CADPS: variants seen among roughly 807,000 people sequenced by gnomAD.
The protein encoded by CADPS is calcium dependent secretion activator, also known as calcium-dependent secretion activator 1.
CADPS carries 57 observed loss-of-function variants against 167.3 expected under a neutral mutation model. The ratio of observed to expected loss-of-function variants is 0.34; its 90% CI spans 0.28 to 0.42. The LOEUF (loss-of-function observed/expected upper bound fraction) is 0.42, where lower values mean the gene tolerates loss of function less well. Ranked by LOEUF, CADPS falls within the 20% of genes least tolerant of loss-of-function variation. The pLI is 1.00. For missense variants in CADPS, 1,414 were observed against 1,738.1 expected (o/e 0.81, Z 3.32); for synonymous variants, 676 against 635.3 (o/e 1.06, Z -0.96).
chr3:62,410,496 G>A (rs1341851865), intron 28 of CADPS, among the ~76,000 whole-genome samples: 1 of 152,196 alleles, frequency 6.6e-6, no homozygotes, highest in Non-Finnish European at 1.5e-5. Flanking sequence ...AGCAAGAGAT[G>A]GAACATCGAC....
intron 28 of CADPS, among the ~76,000 whole-genome samples, chr3:62,405,192 AC>A (rs1465005401): frequency 6.8e-5 from 10 of 146,852 alleles, no homozygotes; most frequent in African/African-American, 2.6e-4. Flanking sequence ...ACCTCCCCTT[AC>A]CCCCAGCCTC....
intron 28 of CADPS, among the ~76,000 whole-genome samples, chr3:62,434,804 TA>T (rs1392558022): frequency 2.0e-5 from 3 of 152,032 alleles, no homozygotes; most frequent in Admixed American, 6.6e-5. Context: ...AAACACACAC[TA>T]AAACCATCCA....
At position 62,446,596 on chromosome 3, in the gene CADPS, C is replaced by T. The variant is rs1452134275; in HGVS notation, c.3637-799G>A. The stretch of plus-strand genomic sequence containing the variant: ...TATTATTAGTAATAGTGCTTATTTC[C>T]GCAGGTTGATAAGGGTGAATTCACA... On this transcript the variant is annotated intron_variant, in intron 26 of 29. Transcript: ENST00000383710. The surrounding 1 kb of genome is among the most constrained non-coding windows in gnomAD (Gnocchi z 4.9). Among the ~76,000 whole-genome samples, 2 of 152,032 alleles carry T rather than the reference C, an allele frequency of 1.3e-5. No homozygotes were observed. The highest frequency in any genetic ancestry group is 4.8e-5 in the African/African-American group (2 of 41,374).
chr3:62,543,574 G>A (rs1042721333), intron 11 of CADPS, among the ~76,000 whole-genome samples: 2 of 151,988 alleles, frequency 1.3e-5, no homozygotes, highest in African/African-American at 4.8e-5. Flanking sequence ...GCTTGAAGTG[G>A]TGAAAAACGT....
intron 6 of CADPS, among the ~76,000 whole-genome samples, chr3:62,628,188 A>G (rs954550347): frequency 6.6e-6 from 1 of 152,188 alleles, no homozygotes; most frequent in Non-Finnish European, 1.5e-5. Context: ...GGAGTAAGGC[A>G]TTATACCAGT....
intron 1 of CADPS, among the ~76,000 whole-genome samples, chr3:62,778,604 G>C (rs1050516713): frequency 6.6e-6 from 1 of 152,002 alleles, no homozygotes; most frequent in African/African-American, 2.4e-5. Flanking sequence ...TGTCTGTCTT[G>C]CATCAGCATT....
chr3:62,588,919 C>A (rs182957876), intron 7 of CADPS, among the ~76,000 whole-genome samples: 2 of 152,076 alleles, frequency 1.3e-5, no homozygotes, highest in Non-Finnish European at 2.9e-5. Context: ...TGCTTATATA[C>A]GCTATGTTGG....
chr3:62,731,807 A>AAAAAAAAAAAAAAAAAAAAAAAAG (rs2077903630), intron 3 of CADPS, among the ~76,000 whole-genome samples: 1 of 58,070 alleles, frequency 1.7e-5, no homozygotes, highest in Non-Finnish European at 3.1e-5. Flanking sequence ...ATCATATGCA[A>AAAAAAAAAAAAAAAAAAAAAAAAG]AAAAAAAAAA....
Position 62,834,302 on chromosome 3 carries a change from C to T in CADPS, c.441+40287G>A, listed in dbSNP as rs879321968. Among the ~76,000 whole-genome samples, 3 of 152,142 alleles carry T rather than the reference C, an allele frequency of 2.0e-5. No homozygotes were observed. In the East Asian group the frequency reaches 5.8e-4, roughly 29 times the overall value. On this transcript the variant is annotated intron_variant, in intron 1 of 29. Transcript: ENST00000383710. The stretch of plus-strand genomic sequence containing the variant: ...TTCCATAAGTGGGACAAGCTGGTGG[C>T]TTTCAACTGGCCCCATCTACCATCC...
In CADPS at chr3:62,755,190, C is replaced by T. The variant is rs571634196; in HGVS notation, c.556-1417G>A. 3.9e-5 allele frequency among the ~76,000 whole-genome samples: 6 copies of T among 152,278 alleles called. No individual in the cohort carries two copies. The East Asian group carries it at 1.2e-3, about 29-fold the overall frequency. ...CTTTTTACTTCACCCGGGTTCCTTC[C>T]TTCCCTGCAGGGTTCTCCTGCTTGA... is the stretch of plus-strand genomic sequence containing the variant. On this transcript the variant is annotated intron_variant, in intron 2 of 29. Coordinates refer to ENST00000383710, the MANE Select transcript of CADPS (RefSeq NM_003716.4).
At chr3:62,750,438 A>G (rs1160922366) in intron 3 of CADPS, among the ~76,000 whole-genome samples, 1 of 151,476 alleles carries the variant, frequency 6.6e-6, no homozygotes, top group African/African-American at 2.4e-5. Context: ...TAGTACTCGG[A>G]AATGGCAAAG....
intron 29 of CADPS, among the ~76,000 whole-genome samples, chr3:62,402,438 C>T (rs1242622964): frequency 1.3e-5 from 2 of 152,068 alleles, no homozygotes; most frequent in Admixed American, 6.5e-5. Context: ...GTATTTACCC[C>T]CTTCTGTGAT....
In CADPS at chr3:62,492,334, C is replaced by T. The variant is rs767786545; in HGVS notation, c.2840G>A (p.Ser947Asn). 2.5e-6 allele frequency: 4 copies of T among 1,614,100 alleles called. No homozygotes were observed. The Admixed American group carries it at 6.7e-5, about 27-fold the overall frequency. Residue 947 changes from serine to asparagine, a missense_variant, in exon 20 of 30, where the codon AGT (serine) becomes AAT (asparagine). By Grantham distance (46) the Ser-to-Asn change is conservative. This residue lies in a region of CADPS where 529 missense variants were observed against 629.6 expected (regional missense o/e 0.84). Transcript: ENST00000383710. ...ATTCAGCAGCTGAAATAGTGGAAAA[C>T]TGTCCCATGTGTCTGGAGGTTGCAC... is the stretch of plus-strand genomic sequence containing the variant. ...LEVQPPDTWD[S>N]FPLFQLLNDF...
chr3:62,652,399 CAAAAAAAAAA>C (rs57075270), intron 4 of CADPS, among the ~76,000 whole-genome samples: 3 of 120,248 alleles, frequency 2.5e-5, no homozygotes, highest in African/African-American at 3.3e-5. Flanking sequence ...TCTGTGTGGC[CAAAAAAAAAA>C]AAAAAAAAAA....
chr3:62,493,692 T>C lies in CADPS; in HGVS notation c.2707-27A>G, dbSNP rs774450594. On this transcript the variant is annotated intron_variant, in intron 18 of 29. Coordinates refer to ENST00000383710, the MANE Select transcript of CADPS (RefSeq NM_003716.4). ...TGGTTTGCAAATTAAATGAAAAAAA[T>C]CAAGTCATGGACCATTCTGCAAGGT... is the stretch of plus-strand genomic sequence containing the variant. 23 of 1,551,264 alleles carry C rather than the reference T, an allele frequency of 1.5e-5. No individual in the cohort carries two copies. The Admixed American group carries it at 1.8e-4, about 12-fold the overall frequency.
intron 3 of CADPS, among the ~76,000 whole-genome samples, chr3:62,735,809 G>C (rs1213392595): frequency 6.6e-6 from 1 of 152,168 alleles, no homozygotes; most frequent in Non-Finnish European, 1.5e-5. Context: ...TGTTGGTGGT[G>C]AGACAGCTTT....
At position 62,715,753 on chromosome 3, in the gene CADPS, C is replaced by CTTTTTTTTT. The variant is rs71123291; in HGVS notation, c.888+37679_888+37687dup. 5.1e-4 allele frequency among the ~76,000 whole-genome samples: 46 copies of CTTTTTTTTT among 89,696 alleles called. 2 individuals are homozygous for CTTTTTTTTT. The highest frequency in any genetic ancestry group is 8.2e-4 in the Admixed American group (5 of 6,084). The allele number at this position is 89,696 out of a possible 152,430, so 58.8% of individuals were successfully genotyped here. On this transcript the variant is annotated intron_variant, in intron 3 of 29. Transcript: ENST00000383710. ...ATTTCAATTTATAATGATTATAAAT[C>CTTTTTTTTT]TTTTTTTTTTTTTTTTTTTTTGAGA...
intron 6 of CADPS, among the ~76,000 whole-genome samples, chr3:62,644,127 A>G (rs1485388104): frequency 6.6e-6 from 1 of 152,222 alleles, no homozygotes; most frequent in Non-Finnish European, 1.5e-5. Context: ...CTAGTCCAGG[A>G]AACATTCCGT....
intron 9 of CADPS, among the ~76,000 whole-genome samples, chr3:62,560,939 C>T (rs906613129): frequency 5.3e-5 from 8 of 151,780 alleles, no homozygotes; most frequent in Non-Finnish European, 7.4e-5. Flanking sequence ...ATTAGCTGGA[C>T]GTGGCGGCAG....
Sources: allele counts gnomAD v4.1 joint callset (sites outside exome capture counted in the v4.1 genomes callset), GRCh38; gene constraint gnomAD v4.1.1; regional missense constraint gnomAD v4.1.1; non-coding constraint Gnocchi (gnomAD v3.1); transcripts MANE v1.5; gene names NCBI Gene and HGNC (gene_info 2026-07-23, HGNC 2026-07-21).